The following HIVEP2 variants were observed in gnomAD, a reference collection of about 807,000 sequenced individuals.
The protein encoded by HIVEP2 is HIVEP zinc finger 2, also known as transcription factor HIVEP2.
Under a neutral mutation model 180.7 loss-of-function variants are expected in HIVEP2, and 14 were observed. The observed-to-expected ratio is 0.08, with a 90% confidence interval of 0.05 to 0.12. HIVEP2 has a LOEUF of 0.12. Among genes scored for constraint, HIVEP2 ranks in the 10% least tolerant of loss-of-function variants. The pLI is 1.00. For synonymous variants in HIVEP2, 1,184 were observed against 1,136.4 expected, an observed-to-expected ratio of 1.04 and a Z score of -0.84; for missense variants, 2,579 against 3,008.5, an observed-to-expected ratio of 0.86 and a Z score of 3.34.
At chr6:142,849,224 A>G (rs1274790149) in intron 1 of HIVEP2, among the ~76,000 whole-genome samples, 1 of 152,210 alleles carries the variant, frequency 6.6e-6, no homozygotes, top group Non-Finnish European at 1.5e-5. Context: ...CACAGAGTCC[A>G]TAGGAAAGAG....
At chr6:142,871,631 C>T (rs924616426) in intron 1 of HIVEP2, among the ~76,000 whole-genome samples, 4 of 149,204 alleles carry the variant, frequency 2.7e-5, no homozygotes, top group African/African-American at 9.8e-5. Flanking sequence ...AAAAAAAAAT[C>T]ACAAAAATAC....
intron 1 of HIVEP2, among the ~76,000 whole-genome samples, chr6:142,858,520 C>T (rs578006838): frequency 6.6e-6 from 1 of 152,182 alleles, no homozygotes; most frequent in South Asian, 2.1e-4. Context: ...GAATAAATGC[C>T]CCCCTCCCTT....
Position 142,773,729 on chromosome 6 carries a change from A to G in HIVEP2, c.1010T>C (p.Leu337Pro), listed in dbSNP as rs1265918042. ...AATATACTGAGAGCTTTCATTAGGG[A>G]GAGGAATCCCACTTTTAGGGATAAT... ...ILIIPKSGIP[L>P]PNESSQYIGP... is the part of the protein sequence containing the mutation. Residue 337 changes from leucine to proline, a missense_variant, in exon 5 of 10, where the codon CTC (leucine) becomes CCC (proline). Around this residue, in one of 11 missense-constraint regions of HIVEP2, gnomAD observed 142 missense variants for 135.2 expected, o/e 1.05. Transcript: ENST00000367603. 6.2e-7 allele frequency: 1 copy of G among 1,614,038 alleles called. No homozygotes were observed. Among genetic ancestry groups the G allele is most frequent in the Non-Finnish European group, 8.5e-7 (1 of 1,179,992 alleles).
At chr6:142,885,882 T>A (rs768672544) in intron 1 of HIVEP2, among the ~76,000 whole-genome samples, 9 of 152,196 alleles carry the variant, frequency 5.9e-5, no homozygotes, top group Non-Finnish European at 1.2e-4. Flanking sequence ...CACTTTCTCC[T>A]TCAAATAATG....
At position 142,770,670 on chromosome 6, in the gene HIVEP2, G is replaced by A; in HGVS notation, c.4069C>T (p.Leu1357Phe). 1 of 1,614,230 alleles carries A rather than the reference G, an allele frequency of 6.2e-7. No homozygotes were observed. The highest frequency in any genetic ancestry group is 8.5e-7 in the Non-Finnish European group (1 of 1,180,044). The change falls in exon 5 of 10, where the codon CTT becomes TTT. Residue 1357 changes from leucine (L) to phenylalanine (F), a missense_variant. Physicochemically the swap from Leu to Phe is conservative, Grantham distance 22. This residue lies in a region of HIVEP2 where 523 missense variants were observed against 577.0 expected (regional missense o/e 0.91). Coordinates refer to ENST00000367603, the MANE Select transcript of HIVEP2 (RefSeq NM_006734.4). The surrounding 1 kb of genome is among the most constrained non-coding windows in gnomAD (Gnocchi z 4.7). ...SVMYTSISQI[L>F]GQNSPAIVIC... Reference sequence around the variant, plus strand: ...ACAATGGCAGGGCTATTCTGCCCAAGTATCTGAGAAATGCTTGTGTACATG... The same window carrying A: ...ACAATGGCAGGGCTATTCTGCCCAAATATCTGAGAAATGCTTGTGTACATG...
intron 1 of HIVEP2, among the ~76,000 whole-genome samples, chr6:142,890,701 A>T (rs1776835259): frequency 6.6e-6 from 1 of 152,236 alleles, no homozygotes; most frequent in Admixed American, 6.5e-5. Flanking sequence ...TAATATAATA[A>T]TCTAATGAGA....
chr6:142,780,830 A>T (rs1325193014), intron 3 of HIVEP2, among the ~76,000 whole-genome samples: 1 of 152,214 alleles, frequency 6.6e-6, no homozygotes, highest in African/African-American at 2.4e-5. Context: ...TCAAGATTAG[A>T]TAATGGCATT....
chr6:142,766,335 T>C (rs552528949), intron 6 of HIVEP2, among the ~76,000 whole-genome samples: 10 of 152,272 alleles, frequency 6.6e-5, no homozygotes, highest in African/African-American at 2.4e-4. Context: ...ATTTCCCCCC[T>C]TTTACCAGGA....
chr6:142,891,468 C>A (rs1192125944), intron 1 of HIVEP2, among the ~76,000 whole-genome samples: 1 of 151,970 alleles, frequency 6.6e-6, no homozygotes, highest in Non-Finnish European at 1.5e-5. Flanking sequence ...CACCCACACT[C>A]ACTTAGCAGA....
Position 142,772,405 on chromosome 6 carries a change from A to ATCAAT in HIVEP2, c.2333_2334insATTGA (p.Ser779LeufsTer13). The ATCAAT allele has an allele frequency of 6.2e-7, 1 of 1,614,214 alleles. No individual in the cohort carries two copies. The highest frequency in any genetic ancestry group is 8.5e-7 in the Non-Finnish European group (1 of 1,180,036). ...ACATCTTGTCTGAATCAATGGCTGA[A>ATCAAT]GGTGACTCCTCTGACACAAGAGATG... On this transcript the variant is annotated frameshift_variant, in exon 5 of 10. Transcript: ENST00000367603. LOFTEE classifies it high-confidence loss of function. The surrounding 1 kb of genome is among the most constrained non-coding windows in gnomAD (Gnocchi z 4.9).
chr6:142,755,255 A>G (rs1179582177), intron 9 of HIVEP2, among the ~76,000 whole-genome samples: 1 of 152,234 alleles, frequency 6.6e-6, no homozygotes, highest in East Asian at 1.9e-4. Context: ...CGGTGCAATC[A>G]TTAACACTAT....
chr6:142,832,626 G>A (rs987512252), intron 2 of HIVEP2, among the ~76,000 whole-genome samples: 2 of 152,184 alleles, frequency 1.3e-5, no homozygotes, highest in Non-Finnish European at 2.9e-5. Flanking sequence ...ACATCAATGT[G>A]ATATCAGATT....
At chr6:142,944,372 C>A (rs1474469439) in intron 1 of HIVEP2, among the ~76,000 whole-genome samples, 22 of 144,406 alleles carry the variant, frequency 1.5e-4, no homozygotes, top group Non-Finnish European at 3.1e-4. Context: ...CCCCCCCCCC[C>A]CACCAAATAC....
At chr6:142,780,317 C>A (rs1775823735) in intron 3 of HIVEP2, among the ~76,000 whole-genome samples, 1 of 152,184 alleles carries the variant, frequency 6.6e-6, no homozygotes, top group Non-Finnish European at 1.5e-5. Context: ...ACTACAGGGA[C>A]CCCTCCTCTG....
chr6:142,781,279 CAT>C (rs1472762439), intron 3 of HIVEP2, among the ~76,000 whole-genome samples: 1 of 152,114 alleles, frequency 6.6e-6, no homozygotes, highest in Non-Finnish European at 1.5e-5. Flanking sequence ...GAGTAATTCT[CAT>C]ATGAAAACAG....
At chr6:142,786,448 A>G (rs1220696263) in intron 2 of HIVEP2, among the ~76,000 whole-genome samples, 6 of 152,208 alleles carry the variant, frequency 3.9e-5, no homozygotes, top group Non-Finnish European at 2.9e-5. Flanking sequence ...ACTTCACCAC[A>G]TACAAGATGG....
At chr6:142,848,567 T>TA (rs1186302231) in intron 1 of HIVEP2, among the ~76,000 whole-genome samples, 5 of 151,112 alleles carry the variant, frequency 3.3e-5, no homozygotes, top group African/African-American at 9.8e-5. Flanking sequence ...AAATAAAAAT[T>TA]AAAAAAAAAT....
At chr6:142,911,981 AG>A (rs1451893061) in intron 1 of HIVEP2, among the ~76,000 whole-genome samples, 1 of 152,228 alleles carries the variant, frequency 6.6e-6, no homozygotes, top group Non-Finnish European at 1.5e-5. Flanking sequence ...AGCCAATCAA[AG>A]TCTCTGACTT....
In HIVEP2 at chr6:142,753,572, T is replaced by A; in HGVS notation, c.6876A>T (p.Ser2292=). ...AGGAGGGAGTGCTAGGTGGACCAGATGACTGCAAAGCGTGAGGACCTCGCT... is the reference window on the plus strand; with the variant it reads ...AGGAGGGAGTGCTAGGTGGACCAGAAGACTGCAAAGCGTGAGGACCTCGCT... ...HEKRGPHALQ[S]SGPPSTPSSP... is the part of the protein sequence containing the mutation. The change falls in exon 10 of 10, where the codon TCA becomes TCT. Residue 2292 remains serine (S), a synonymous_variant. Coordinates refer to ENST00000367603, the MANE Select transcript of HIVEP2 (RefSeq NM_006734.4). The A allele has an allele frequency of 6.2e-7, 1 of 1,614,186 alleles. No individual in the cohort carries two copies. The highest frequency in any genetic ancestry group is 2.2e-5 in the East Asian group (1 of 44,884).
Sources: gnomAD v4.1 joint callset for allele counts (sites outside exome capture counted in the v4.1 genomes callset) on GRCh38, gnomAD v4.1.1 for gene constraint, gnomAD v4.1.1 regional missense constraint, Gnocchi (gnomAD v3.1) non-coding constraint, MANE v1.5 for transcripts, NCBI Gene and HGNC (gene_info 2026-07-23, HGNC 2026-07-21) for gene names.